LINGO2: variants seen among roughly 807,000 people sequenced by gnomAD.
The protein encoded by LINGO2 is leucine rich repeat and Ig domain containing 2, also known as leucine-rich repeat and immunoglobulin-like domain-containing nogo receptor-interacting protein 2.
LINGO2 carries 14 observed loss-of-function variants against 30.6 expected under a neutral mutation model. That is an observed-to-expected ratio of 0.46 (90% CI 0.30 to 0.72). The LOEUF is 0.72. LINGO2 is among the 30% of genes least tolerant of loss of function. LINGO2 has a pLI of 0.07. For synonymous variants in LINGO2, 317 were observed against 288.5 expected (o/e 1.10, Z -1.00); for missense variants, 729 against 751.7 (o/e 0.97, Z 0.35).
At chr9:27,954,035 A>G (rs1040014913) in intron 5 of LINGO2, among the ~76,000 whole-genome samples, 1 of 152,164 alleles carries the variant, frequency 6.6e-6, no homozygotes, top group South Asian at 2.1e-4. Context: ...TACCTGTATT[A>G]CTTTTATAAT....
the LINGO2 span, among the ~76,000 whole-genome samples, chr9:28,714,679 G>A: frequency 6.6e-6 from 1 of 151,958 alleles, no homozygotes; most frequent in Non-Finnish European, 1.5e-5. Context: ...AACAGCTAGC[G>A]TTATCTAGAT....
intron 3 of LINGO2, among the ~76,000 whole-genome samples, chr9:28,346,369 T>G (rs189619576): frequency 5.9e-5 from 9 of 152,198 alleles, no homozygotes; most frequent in Admixed American, 2.0e-4. Flanking sequence ...ACAAAGGACA[T>G]GATCTCATTC....
At chr9:28,639,270 G>A (rs1563884478) in intron 1 of LINGO2, among the ~76,000 whole-genome samples, 1 of 152,186 alleles carries the variant, frequency 6.6e-6, no homozygotes, top group East Asian at 1.9e-4. Flanking sequence ...TAGGTGTGGT[G>A]TGGTACTGAG....
the LINGO2 span, among the ~76,000 whole-genome samples, chr9:28,994,814 A>G: frequency 2.6e-5 from 4 of 152,238 alleles, no homozygotes; most frequent in East Asian, 3.8e-4. Context: ...CTGGCTAGCC[A>G]TATGTAGAAA....
At chr9:28,448,541 G>A (rs1015248387) in intron 2 of LINGO2, among the ~76,000 whole-genome samples, 3 of 151,976 alleles carry the variant, frequency 2.0e-5, no homozygotes, top group Admixed American at 2.0e-4. Flanking sequence ...TTGCAGGGGA[G>A]GGACAACAAG....
intron 1 of LINGO2, among the ~76,000 whole-genome samples, chr9:28,565,846 G>A (rs557665241): frequency 6.6e-6 from 1 of 152,226 alleles, no homozygotes; most frequent in East Asian, 1.9e-4. Flanking sequence ...GAGCCACTGT[G>A]ACGAGCCCAA....
At chr9:28,640,714 G>C (rs1827532459) in intron 1 of LINGO2, among the ~76,000 whole-genome samples, 2 of 151,900 alleles carry the variant, frequency 1.3e-5, no homozygotes, top group South Asian at 4.2e-4. Context: ...GGTTATTCTA[G>C]TTAGCGATTC....
chr9:29,025,472 C>T, the LINGO2 span, among the ~76,000 whole-genome samples: 1 of 152,148 alleles, frequency 6.6e-6, no homozygotes, highest in East Asian at 1.9e-4. Flanking sequence ...TAGCTGATTT[C>T]CAAGACAATA....
intron 3 of LINGO2, among the ~76,000 whole-genome samples, chr9:28,348,653 C>T (rs1819700923): frequency 6.6e-6 from 1 of 152,054 alleles, no homozygotes; most frequent in Admixed American, 6.5e-5. Flanking sequence ...CACCACAGCT[C>T]AAGGAGGCCT....
chr9:29,059,946 C>T, the LINGO2 span, among the ~76,000 whole-genome samples: 1 of 151,814 alleles, frequency 6.6e-6, no homozygotes, highest in East Asian at 1.9e-4. Flanking sequence ...CAGGGTAAGC[C>T]CACTACAGAT....
chr9:28,798,418 G>C, the LINGO2 span, among the ~76,000 whole-genome samples: 1 of 152,080 alleles, frequency 6.6e-6, no homozygotes, highest in Admixed American at 6.6e-5. Flanking sequence ...CACTGTTACA[G>C]GAGATAAAAC....
chr9:28,009,068 T>C (rs142901297), intron 5 of LINGO2, among the ~76,000 whole-genome samples: 212 of 152,246 alleles, frequency 1.4e-3, no homozygotes, highest in Non-Finnish European at 2.9e-3. Flanking sequence ...GACAGACATA[T>C]AGACTAATGG....
intron 1 of LINGO2, among the ~76,000 whole-genome samples, chr9:28,609,366 C>T (rs1825819989): frequency 1.3e-5 from 2 of 151,532 alleles, no homozygotes; most frequent in Admixed American, 6.6e-5. Flanking sequence ...ATTTTCAGCT[C>T]AGCAATAAGT....
rs199991852 is a variant in LINGO2 at position 28,330,337 on chromosome 9, CAA to C, written c.-245-34973_-245-34972del. 5.4e-3 allele frequency among the ~76,000 whole-genome samples: 826 copies of C among 152,240 alleles called. 11 individuals carry two copies. Among genetic ancestry groups the C allele is most frequent in the African/African-American group, 0.018 (754 of 41,548 alleles). ...TTTGTTATGACAGCCCAAGCTAAGA[CAA>C]AGAGCAGTTTTAGGTTTACAGGAAA... On this transcript the variant is annotated intron_variant, in intron 3 of 5. Transcript: ENST00000379992.
At chr9:28,821,897 C>T in the LINGO2 span, among the ~76,000 whole-genome samples, 1 of 152,208 alleles carries the variant, frequency 6.6e-6, no homozygotes, top group Admixed American at 6.5e-5. Flanking sequence ...TGTGCATAGA[C>T]TGTTGGAGAG....
At chr9:28,733,710 G>C in the LINGO2 span, among the ~76,000 whole-genome samples, 2 of 151,910 alleles carry the variant, frequency 1.3e-5, no homozygotes, top group African/African-American at 4.8e-5. Flanking sequence ...GTTAACCTCT[G>C]TGCCTTCCAA....
intron 1 of LINGO2, among the ~76,000 whole-genome samples, chr9:28,628,436 T>G (rs114656025): frequency 6.6e-6 from 1 of 152,240 alleles, no homozygotes; most frequent in South Asian, 2.1e-4. Flanking sequence ...GCAGTTTGTA[T>G]TTCAGTTCTG....
intron 4 of LINGO2, among the ~76,000 whole-genome samples, chr9:28,136,859 T>A (rs947543779): frequency 3.9e-5 from 6 of 152,142 alleles, no homozygotes; most frequent in African/African-American, 1.4e-4. Context: ...GTAAAGCAGA[T>A]TGCTCTCCCC....
At chr9:29,097,437 C>T in the LINGO2 span, among the ~76,000 whole-genome samples, 1 of 137,916 alleles carries the variant, frequency 7.3e-6, no homozygotes, top group Non-Finnish European at 1.6e-5. Flanking sequence ...CTTTCTTCTA[C>T]AAGTCATTAA....
Sources: gnomAD v4.1 joint callset for allele counts (sites outside exome capture counted in the v4.1 genomes callset) on GRCh38, gnomAD v4.1.1 for gene constraint, MANE v1.5 for transcripts, NCBI Gene and HGNC (gene_info 2026-07-23, HGNC 2026-07-21) for gene names.